CNTNAP2: variants seen among roughly 807,000 people sequenced by gnomAD.
The protein encoded by CNTNAP2 is contactin-associated protein-like 2.
Under a neutral mutation model 155.2 loss-of-function variants are expected in CNTNAP2, and 98 were observed. The ratio of observed to expected loss-of-function variants is 0.63; its 90% CI spans 0.54 to 0.75. The LOEUF (loss-of-function observed/expected upper bound fraction) is 0.75. Among genes scored for constraint, CNTNAP2 ranks in the 30% least tolerant of loss-of-function variants. The pLI is 0.00. For missense variants in CNTNAP2, 1,727 were observed against 1,688.1 expected (o/e 1.02, Z -0.40); for synonymous variants, 651 against 631.2 (o/e 1.03, Z -0.47).
At chr7:147,849,769 G>A (rs538058180) in intron 13 of CNTNAP2, 1 of 152,258 alleles carries the variant, frequency 6.6e-6, no homozygotes, top group Admixed American at 6.5e-5. Context: ...GTGGTCAGGA[G>A]GCAAGTGAGA....
At chr7:146,180,770 T>G (rs1408219344) in intron 1 of CNTNAP2, among the ~76,000 whole-genome samples, 3 of 152,192 alleles carry the variant, frequency 2.0e-5, no homozygotes, top group African/African-American at 7.2e-5. Context: ...TGTATATCAT[T>G]GTCCTCACTT....
At chr7:146,441,428 G>A (rs932713591) in intron 1 of CNTNAP2, among the ~76,000 whole-genome samples, 1 of 151,326 alleles carries the variant, frequency 6.6e-6, no homozygotes. Context: ...TTTGGTCTTC[G>A]ATTACAGATA....
intron 1 of CNTNAP2, among the ~76,000 whole-genome samples, chr7:146,617,051 GCT>G (rs1197993026): frequency 6.6e-6 from 1 of 152,048 alleles, no homozygotes; most frequent in Non-Finnish European, 1.5e-5. Context: ...ACGGAGTCTC[GCT>G]CTGTCGCCCA....
At chr7:146,459,275 G>T (rs1316355531) in intron 1 of CNTNAP2, among the ~76,000 whole-genome samples, 1 of 152,096 alleles carries the variant, frequency 6.6e-6, no homozygotes, top group Non-Finnish European at 1.5e-5. Flanking sequence ...TATATAGATG[G>T]TTATGTGTAG....
intron 1 of CNTNAP2, among the ~76,000 whole-genome samples, chr7:146,404,260 G>A (rs1460736841): frequency 6.6e-6 from 1 of 152,054 alleles, no homozygotes; most frequent in Non-Finnish European, 1.5e-5. Flanking sequence ...ACAAGTAGTT[G>A]TGGAGTGAGT....
At chr7:146,122,141 G>T (rs1584759432) in intron 1 of CNTNAP2, among the ~76,000 whole-genome samples, 1 of 152,160 alleles carries the variant, frequency 6.6e-6, no homozygotes. Context: ...TTACTTATCT[G>T]TTTGGTGACT....
chr7:146,120,055 T>C (rs187173074), intron 1 of CNTNAP2, among the ~76,000 whole-genome samples: 51 of 152,034 alleles, frequency 3.4e-4, no homozygotes, highest in Admixed American at 6.5e-4. Context: ...TTTACAAGTT[T>C]ATAGAAAGGT....
intron 3 of CNTNAP2, among the ~76,000 whole-genome samples, chr7:146,911,385 A>C (rs981754763): frequency 1.3e-5 from 2 of 152,094 alleles, no homozygotes. Flanking sequence ...TATTCACAAC[A>C]GCAAAGACTT....
intron 1 of CNTNAP2, among the ~76,000 whole-genome samples, chr7:146,555,813 T>A (rs1288033306): frequency 6.6e-6 from 1 of 152,260 alleles, no homozygotes; most frequent in South Asian, 2.1e-4. Context: ...CCAATTAATA[T>A]TGGGTGACCT....
intron 1 of CNTNAP2, among the ~76,000 whole-genome samples, chr7:146,309,444 A>T (rs1394758684): frequency 1.3e-5 from 2 of 152,080 alleles, no homozygotes; most frequent in African/African-American, 4.8e-5. Context: ...CAGCAAGTAG[A>T]TCTCAAAGCC....
At chr7:147,221,259 T>A (rs945029106) in intron 8 of CNTNAP2, among the ~76,000 whole-genome samples, 3 of 152,196 alleles carry the variant, frequency 2.0e-5, no homozygotes, top group African/African-American at 7.2e-5. Context: ...ATTAAATACA[T>A]TTTTCATGGT....
At chr7:147,509,668 A>G (rs73744138) in intron 11 of CNTNAP2, among the ~76,000 whole-genome samples, 2,356 of 152,188 alleles carry the variant, frequency 0.015, 67 homozygotes, top group African/African-American at 0.054. Flanking sequence ...ATATAGTTGT[A>G]AAAAGAAAGA....
chr7:146,915,229 TTG>T (rs1796369877), intron 3 of CNTNAP2, among the ~76,000 whole-genome samples: 3 of 152,144 alleles, frequency 2.0e-5, no homozygotes, highest in African/African-American at 7.2e-5. Flanking sequence ...ATAGTATAGG[TTG>T]AAGTAGGGTA....
At chr7:146,901,046 TAA>T (rs1795982647) in intron 3 of CNTNAP2, among the ~76,000 whole-genome samples, 1 of 151,540 alleles carries the variant, frequency 6.6e-6, no homozygotes, top group Non-Finnish European at 1.5e-5. Context: ...ATAATAATAA[TAA>T]TAATAATAAT....
At chr7:146,633,825 A>T (rs1232035168) in intron 1 of CNTNAP2, among the ~76,000 whole-genome samples, 1 of 116,226 alleles carries the variant, frequency 8.6e-6, no homozygotes, top group Non-Finnish European at 1.9e-5. Context: ...GCGAGACTGC[A>T]TCTAGAGAAA....
At chr7:146,973,204 T>C (rs543815774) in intron 3 of CNTNAP2, among the ~76,000 whole-genome samples, 1 of 152,266 alleles carries the variant, frequency 6.6e-6, no homozygotes, top group Admixed American at 6.5e-5. Flanking sequence ...AATTTTGTAA[T>C]TTTAGTAGAG....
chr7:146,379,751 C>T (rs1214545477), intron 1 of CNTNAP2, among the ~76,000 whole-genome samples: 3 of 152,126 alleles, frequency 2.0e-5, no homozygotes, highest in Admixed American at 6.6e-5. Flanking sequence ...TGCTTAGGAT[C>T]ACTTGGGATT....
intron 21 of CNTNAP2, among the ~76,000 whole-genome samples, chr7:148,343,049 CACAGCACT>C (rs746096705): frequency 1.3e-5 from 2 of 152,228 alleles, no homozygotes; most frequent in Non-Finnish European, 2.9e-5. Context: ...CATTGTGGGC[CACAGCACT>C]CCCTGCTTGA....
At chr7:147,394,911 C>A (rs1796786625) in intron 9 of CNTNAP2, among the ~76,000 whole-genome samples, 1 of 144,270 alleles carries the variant, frequency 6.9e-6, no homozygotes, top group African/African-American at 2.6e-5. Flanking sequence ...AGTATATATA[C>A]CATATTATGG....
Sources: allele counts gnomAD v4.1 joint callset (sites outside exome capture counted in the v4.1 genomes callset), GRCh38; gene constraint gnomAD v4.1.1; transcripts MANE v1.5; gene names NCBI Gene and HGNC (gene_info 2026-07-23, HGNC 2026-07-21).